The following S100A8 variants were observed in gnomAD, a reference collection of about 807,000 sequenced individuals.
The protein encoded by S100A8 is protein S100-A8.
A neutral mutation model predicts 4.2 loss-of-function variants in S100A8; 1 was observed. The ratio of observed to expected loss-of-function variants is 0.24; its 90% CI spans 0.08 to 1.12. The LOEUF (loss-of-function observed/expected upper bound fraction) is 1.12, where lower values mean the gene tolerates loss of function less well. Ranked by LOEUF, S100A8 falls within the 50% of genes most tolerant of loss-of-function variation. The pLI is 0.53. For missense variants in S100A8, 96 were observed against 111.8 expected (o/e 0.86, Z 0.64); for synonymous variants, 41 against 44.7 (o/e 0.92, Z 0.33).
At chr1:153,418,022 T>G in the S100A8 span, 1 of 1,606,382 alleles carries the variant, frequency 6.2e-7, no homozygotes, top group Non-Finnish European at 8.5e-7. Flanking sequence ...ATAGAGACCT[T>G]AATTCAAACT....
chr1:153,391,178 T>G, upstream of S100A8: 3 of 985,494 alleles, frequency 3.0e-6, no homozygotes, highest in Non-Finnish European at 3.6e-6. Flanking sequence ...TGCTACAGTC[T>G]CTGGTTTCTC....
upstream of S100A8, among the ~76,000 whole-genome samples, chr1:153,394,144 T>G (rs74115420): frequency 6.6e-6 from 1 of 152,250 alleles, no homozygotes; most frequent in East Asian, 1.9e-4. Context: ...AACCTGGTCA[T>G]GTTTACAGGA....
At chr1:153,391,856 G>A (rs1026149954), upstream of S100A8, among the ~76,000 whole-genome samples, 6 of 152,196 alleles carry the variant, frequency 3.9e-5, no homozygotes, top group African/African-American at 2.4e-5. Flanking sequence ...TGGGACCCCA[G>A]GATCACTGGC....
At chr1:153,411,720 G>C in the S100A8 span, among the ~76,000 whole-genome samples, 1 of 152,166 alleles carries the variant, frequency 6.6e-6, no homozygotes, top group Non-Finnish European at 1.5e-5. Flanking sequence ...CACACTACCT[G>C]ACTTCAAACT....
At chr1:153,412,457 C>T in the S100A8 span, among the ~76,000 whole-genome samples, 5 of 152,080 alleles carry the variant, frequency 3.3e-5, no homozygotes, top group Middle Eastern at 3.2e-3. Flanking sequence ...GTTAGAATGG[C>T]GATCATTAAA....
At chr1:153,409,051 A>G in the S100A8 span, among the ~76,000 whole-genome samples, 1 of 152,260 alleles carries the variant, frequency 6.6e-6, no homozygotes, top group Admixed American at 6.5e-5. Flanking sequence ...CATTGATGCT[A>G]GGAAGAAACT....
At chr1:153,418,166 G>C in the S100A8 span, 11,083 of 1,614,018 alleles carry the variant, frequency 6.9e-3, 892 homozygotes, top group Admixed American at 0.15. Context: ...GCAAGATTGA[G>C]AAGCCAAGCC....
chr1:153,390,876 G>T, intron 1 of S100A8, 165 bp downstream of exon 1: 1 of 446,808 alleles, frequency 2.2e-6, no homozygotes, highest in Non-Finnish European at 3.3e-6. Flanking sequence ...GGTGCTGGAG[G>T]ATACTCTCCT....
At chr1:153,393,952 C>G (rs375926298), upstream of S100A8, among the ~76,000 whole-genome samples, 3 of 152,196 alleles carry the variant, frequency 2.0e-5, no homozygotes, top group East Asian at 5.8e-4. Flanking sequence ...CCAGCAAGAT[C>G]GTGAAATGTC....
chr1:153,420,720 C>T, the S100A8 span: 2 of 152,244 alleles, frequency 1.3e-5, no homozygotes, highest in African/African-American at 4.8e-5. Context: ...GTTTTCTTCT[C>T]TTTCCTTCTC....
the S100A8 span, among the ~76,000 whole-genome samples, chr1:153,418,426 A>T: frequency 6.6e-6 from 1 of 152,212 alleles, no homozygotes; most frequent in Admixed American, 6.5e-5. Context: ...TTATACAGAT[A>T]TAAAGGAGGT....
rs961400954 is a variant in S100A8, at chr1:153,390,449, G to A, written c.87C>T (p.Val29=). 10 of 1,614,188 alleles carry A rather than the reference G, an allele frequency of 6.2e-6. No individual in the cohort carries two copies. Among genetic ancestry groups the A allele is most frequent in the Non-Finnish European group, 8.5e-6 (10 of 1,180,040 alleles). The part of the protein sequence containing the change: ...YSLIKGNFHA[V]YRDDLKKLLE... ...GCAATTTCTTCAGGTCATCCCTGTAGACGGCATGGAAATTCCCCTTTATCA... is the reference window on the plus strand; with the variant it reads ...GCAATTTCTTCAGGTCATCCCTGTAAACGGCATGGAAATTCCCCTTTATCA... Residue 29 remains valine, a synonymous_variant, in exon 2 of 3, where the codon GTC becomes GTT. Transcript: ENST00000368733.
At chr1:153,415,729 C>A in the S100A8 span, among the ~76,000 whole-genome samples, 6 of 151,686 alleles carry the variant, frequency 4.0e-5, no homozygotes, top group African/African-American at 1.5e-4. Context: ...GGGCGGGGGT[C>A]ACTCCACCAC....
the S100A8 span, among the ~76,000 whole-genome samples, chr1:153,410,529 A>G: frequency 6.6e-6 from 1 of 152,374 alleles, no homozygotes; most frequent in Admixed American, 6.5e-5. Flanking sequence ...AGATGAATTC[A>G]CAACCGAATT....
At chr1:153,390,270 A>G (rs771726018) in intron 2 of S100A8, 27 bp from the exon 3 acceptor site, 127 of 1,604,238 alleles carry the variant, frequency 7.9e-5, no homozygotes, top group Non-Finnish European at 1.1e-4. Context: ...GGAAGAAGCC[A>G]GAGTTTAAAG....
upstream of S100A8, among the ~76,000 whole-genome samples, chr1:153,393,843 T>C (rs1662157346): frequency 6.6e-6 from 1 of 152,234 alleles, no homozygotes; most frequent in Admixed American, 6.5e-5. Context: ...ATTTGACAGA[T>C]GGGGAAACTG....
chr1:153,419,172 A>G, the S100A8 span: 130 of 1,614,124 alleles, frequency 8.1e-5, no homozygotes, highest in Admixed American at 1.8e-4. Flanking sequence ...TTACCTCGCC[A>G]CTGTCTTTGA....
chr1:153,394,017 A>G (rs1662161351), upstream of S100A8, among the ~76,000 whole-genome samples: 1 of 152,182 alleles, frequency 6.6e-6, no homozygotes, highest in Non-Finnish European at 1.5e-5. Flanking sequence ...TGGGGACAGC[A>G]GGAGCCAGGC....
chr1:153,409,076 G>A, the S100A8 span, among the ~76,000 whole-genome samples: 3 of 152,122 alleles, frequency 2.0e-5, no homozygotes, highest in Non-Finnish European at 4.4e-5. Context: ...CAACTAACGA[G>A]CAAAATAACC....
Sources: allele counts gnomAD v4.1 joint callset (sites outside exome capture counted in the v4.1 genomes callset), GRCh38; gene constraint gnomAD v4.1.1; transcripts MANE v1.5; gene names NCBI Gene and HGNC (gene_info 2026-07-23, HGNC 2026-07-21).